Variants in NRXN1 observed in about 807,000 individuals in gnomAD.
NRXN1 encodes neurexin-1.
A neutral mutation model predicts 150.9 loss-of-function variants in NRXN1; 39 were observed. The observed-to-expected ratio is 0.26, with a 90% CI of 0.20 to 0.34. NRXN1 has a LOEUF of 0.34. Ranked by LOEUF, NRXN1 falls within the 10% of genes least tolerant of loss-of-function variation. NRXN1 has a pLI of 1.00. For synonymous variants in NRXN1, 924 were observed against 757.0 expected, an observed-to-expected ratio of 1.22 and a Z score of -3.62; for missense variants, 1,815 against 1,949.9, an observed-to-expected ratio of 0.93 and a Z score of 1.30.
At chr2:50,606,212 G>A (rs531415525) in intron 8 of NRXN1, among the ~76,000 whole-genome samples, 9 of 135,478 alleles carry the variant, frequency 6.6e-5, no homozygotes, top group Non-Finnish European at 1.4e-4. Flanking sequence ...TTACGCCACT[G>A]CACTCCTGCC....
intron 17 of NRXN1, among the ~76,000 whole-genome samples, chr2:50,242,528 G>A (rs2066109645): frequency 1.3e-5 from 2 of 151,678 alleles, no homozygotes; most frequent in South Asian, 4.2e-4. Flanking sequence ...ATTTCATATA[G>A]GCATATTAAA....
At chr2:50,631,666 T>A (rs1682345799) in intron 5 of NRXN1, among the ~76,000 whole-genome samples, 2 of 151,962 alleles carry the variant, frequency 1.3e-5, no homozygotes. Context: ...AATTTTCCAA[T>A]CTTATTGTGC....
intron 21 of NRXN1, among the ~76,000 whole-genome samples, chr2:49,964,618 T>C (rs925570137): frequency 4.0e-5 from 6 of 151,752 alleles, no homozygotes; most frequent in Admixed American, 2.0e-4. Flanking sequence ...GGCAGGTGGA[T>C]TGCCTGAGGT....
chr2:50,118,982 T>C (rs1281204971), intron 18 of NRXN1, among the ~76,000 whole-genome samples: 1 of 152,150 alleles, frequency 6.6e-6, no homozygotes, highest in Non-Finnish European at 1.5e-5. Flanking sequence ...CCTGTCTTTT[T>C]TTTTTTTTCG....
chr2:50,394,782 A>T (rs949539244), intron 17 of NRXN1, among the ~76,000 whole-genome samples: 17 of 151,928 alleles, frequency 1.1e-4, no homozygotes, highest in African/African-American at 4.1e-4. Flanking sequence ...CTTTTCAATA[A>T]CCTGAATGAT....
chr2:49,963,760 T>A (rs1676421877), intron 21 of NRXN1, among the ~76,000 whole-genome samples: 1 of 152,196 alleles, frequency 6.6e-6, no homozygotes. Context: ...ATTACTTTCA[T>A]TAAAATGTCT....
intron 18 of NRXN1, among the ~76,000 whole-genome samples, chr2:50,221,031 T>C (rs1234362181): frequency 6.6e-6 from 1 of 152,066 alleles, no homozygotes; most frequent in Non-Finnish European, 1.5e-5. Context: ...CAGAGCATCC[T>C]TGAAGGTGCT....
Position 50,584,622 on chromosome 2 carries a change from G to C in NRXN1, c.1321-31597C>G, listed in dbSNP as rs1346072779. Among the ~76,000 whole-genome samples, 3 of 152,192 alleles carry C rather than the reference G, an allele frequency of 2.0e-5. No individual in the cohort carries two copies. The East Asian group carries it at 5.8e-4, about 29-fold the overall frequency. On this transcript the variant is annotated intron_variant, in intron 8 of 22. Transcript: ENST00000401669. ...CATCAAATGACTTAGCAAAGTGCAA[G>C]TGGTGGAGCAAAGAAGAGCAGGTTT...
At chr2:50,495,148 G>C (rs895669424) in intron 15 of NRXN1, among the ~76,000 whole-genome samples, 3 of 152,002 alleles carry the variant, frequency 2.0e-5, no homozygotes, top group Non-Finnish European at 4.4e-5. Flanking sequence ...GCCTGTTGTA[G>C]TGTTAAATTA....
At chr2:50,049,207 C>T (rs1051362268) in intron 21 of NRXN1, among the ~76,000 whole-genome samples, 6 of 152,084 alleles carry the variant, frequency 3.9e-5, no homozygotes, top group Admixed American at 3.3e-4. Context: ...TTACACTGAA[C>T]ATCAGGTATG....
intron 2 of NRXN1, among the ~76,000 whole-genome samples, chr2:50,986,319 T>TA (rs1697696016): frequency 6.6e-6 from 1 of 151,676 alleles, no homozygotes; most frequent in African/African-American, 2.4e-5. Flanking sequence ...TTTTTATAAA[T>TA]AAAAAATATT....
intron 5 of NRXN1, among the ~76,000 whole-genome samples, chr2:50,695,409 C>A (rs553134139): frequency 1.0e-3 from 157 of 152,164 alleles, no homozygotes; most frequent in Admixed American, 2.9e-3. Flanking sequence ...AAGTGGTGTA[C>A]CTTATGTCAT....
At chr2:50,072,946 T>C (rs772109437) in intron 19 of NRXN1, among the ~76,000 whole-genome samples, 1 of 152,324 alleles carries the variant, frequency 6.6e-6, no homozygotes, top group South Asian at 2.1e-4. Flanking sequence ...TTTTCACCTA[T>C]GAAGACAAAC....
intron 17 of NRXN1, among the ~76,000 whole-genome samples, chr2:50,377,244 C>A (rs2080579107): frequency 6.6e-6 from 1 of 152,054 alleles, no homozygotes; most frequent in South Asian, 2.1e-4. Flanking sequence ...TGATGCTCTC[C>A]CTCCTTCCAA....
intron 8 of NRXN1, among the ~76,000 whole-genome samples, chr2:50,606,250 G>GAAAAAA (rs1203771076): frequency 2.5e-4 from 19 of 75,416 alleles, no homozygotes; most frequent in African/African-American, 5.0e-4. Context: ...CTCTGTTTCA[G>GAAAAAA]AAAAAAAAAA....
chr2:50,969,950 G>A (rs1694748703), intron 2 of NRXN1, among the ~76,000 whole-genome samples: 1 of 152,150 alleles, frequency 6.6e-6, no homozygotes, highest in African/African-American at 2.4e-5. Flanking sequence ...GCAGAAAAAA[G>A]GGTAAGAACT....
intron 17 of NRXN1, among the ~76,000 whole-genome samples, chr2:50,284,263 G>A (rs931189277): frequency 1.3e-4 from 20 of 152,184 alleles, no homozygotes; most frequent in African/African-American, 4.8e-4. Flanking sequence ...TTAATCCAAG[G>A]CCGATACTGT....
intron 18 of NRXN1, among the ~76,000 whole-genome samples, chr2:50,228,302 A>T (rs2064600794): frequency 6.6e-6 from 1 of 152,082 alleles, no homozygotes; most frequent in Non-Finnish European, 1.5e-5. Context: ...GTAGAAAATT[A>T]AAACTTACAA....
At chr2:50,565,127 A>T (rs916924089) in intron 8 of NRXN1, among the ~76,000 whole-genome samples, 1 of 152,188 alleles carries the variant, frequency 6.6e-6, no homozygotes, top group Non-Finnish European at 1.5e-5. Flanking sequence ...GATTAAATGA[A>T]TGCTAGATCC....
Sources: allele counts gnomAD v4.1 joint callset (sites outside exome capture counted in the v4.1 genomes callset), GRCh38; gene constraint gnomAD v4.1.1; transcripts MANE v1.5; gene names NCBI Gene and HGNC (gene_info 2026-07-23, HGNC 2026-07-21).